The following MCF2L variants were observed in gnomAD, a reference collection of about 807,000 sequenced individuals.
MCF2L encodes the protein MCF.2 cell line derived transforming sequence like, also known as guanine nucleotide exchange factor DBS.
A neutral mutation model predicts 153.4 loss-of-function variants in MCF2L; 97 were observed. The ratio of observed to expected loss-of-function variants is 0.63; its 90% CI spans 0.54 to 0.75. MCF2L has a LOEUF of 0.75. Among genes scored for constraint, MCF2L ranks in the 30% least tolerant of loss-of-function variants. MCF2L has a pLI of 0.00. For missense variants in MCF2L, 1,347 were observed against 1,495.2 expected, an observed-to-expected ratio of 0.90 and a Z score of 1.64; for synonymous variants, 659 against 632.2, an observed-to-expected ratio of 1.04 and a Z score of -0.64.
In MCF2L at chr13:113,046,575, C is replaced by T; in HGVS notation, c.369+1214C>T. The stretch of plus-strand genomic sequence containing the variant: ...AGTCATTCCTTTCCCCGCACATTGC[C>T]TCATTCCTTCATCTTTTACAAGAAT... On this transcript the variant is annotated intron_variant, in intron 4 of 29. Coordinates refer to ENST00000535094, the MANE Select transcript of MCF2L (RefSeq NM_001112732.3). The surrounding 1 kb of genome is among the most constrained non-coding windows in gnomAD (Gnocchi z 4.4). 1 of 533,336 alleles carries T rather than the reference C, an allele frequency of 1.9e-6. No individual in the cohort carries two copies. Among genetic ancestry groups the T allele is most frequent in the Non-Finnish European group, 3.8e-6 (1 of 259,912 alleles). The allele number at this position is 533,336 out of a possible 1,614,324, so 33.0% of individuals were successfully genotyped here.
At chr13:113,015,836 G>A (rs529846955) in intron 2 of MCF2L, among the ~76,000 whole-genome samples, 1 of 152,338 alleles carries the variant, frequency 6.6e-6, no homozygotes, top group Admixed American at 6.5e-5. Context: ...CTGGAGAACT[G>A]AAAACTCCCA....
In MCF2L at chr13:113,070,060, C is replaced by A; in HGVS notation, c.883C>A (p.Leu295Ile). The part of the protein sequence containing the change: ...QLDNQATVQR[L>I]LAQLNETEAA... ...CGGTCAACTCCTCCTCTTTCCCAGG[C>A]TCCTGGCCCAGCTGAACGAAACCGA... The change falls in exon 9 of 30, where the codon CTC becomes ATC. Residue 295 changes from leucine (L) to isoleucine (I), a missense_variant and splice_region_variant. By Grantham distance (5) the Leu-to-Ile change is conservative. Transcript: ENST00000535094. This position sits in a 1 kb window ranked among gnomAD's most constrained non-coding sequence, Gnocchi z 5.6. 1.2e-6 allele frequency: 2 copies of A among 1,607,756 alleles called. No individual in the cohort carries two copies. The highest frequency in any genetic ancestry group is 1.7e-6 in the Non-Finnish European group (2 of 1,177,020).
intron 2 of MCF2L, among the ~76,000 whole-genome samples, chr13:113,023,195 G>A (rs555060620): frequency 9.2e-5 from 14 of 152,348 alleles, no homozygotes; most frequent in African/African-American, 2.6e-4. Flanking sequence ...TGGGCTCAAG[G>A]CATGAGCCCT....
intron 4 of MCF2L, among the ~76,000 whole-genome samples, chr13:113,048,728 C>A (rs1293768463): frequency 6.6e-6 from 1 of 152,204 alleles, no homozygotes; most frequent in Admixed American, 6.5e-5. Flanking sequence ...AGGTGTGAGC[C>A]ACCGCGCCCG....
intron 26 of MCF2L, chr13:113,091,302 G>A: frequency 1.1e-6 from 1 of 942,814 alleles, no homozygotes; most frequent in Non-Finnish European, 1.5e-6. Context: ...TGCTCTCGTG[G>A]GTCTTTATGC....
chr13:113,014,916 C>T (rs186052992), intron 2 of MCF2L, 70 bp downstream of exon 2: 16 of 1,426,670 alleles, frequency 1.1e-5, no homozygotes, highest in South Asian at 2.3e-5. Context: ...GAGCAGCCCC[C>T]GTGGCCTGGC....
chr13:112,990,768 C>T lies in MCF2L; in HGVS notation c.79+21310C>T, dbSNP rs567004529. On this transcript the variant is annotated intron_variant, in intron 1 of 29. Transcript: ENST00000535094. ...GGGAAGTGTGTGCCCAGCGTCTGCTCTGTGCCAGGCCAGGCCAGGCCCAAT... is the reference window on the plus strand; with the variant it reads ...GGGAAGTGTGTGCCCAGCGTCTGCTTTGTGCCAGGCCAGGCCAGGCCCAAT... Among the ~76,000 whole-genome samples, 102 of 152,384 alleles carry T rather than the reference C, an allele frequency of 6.7e-4. 3 individuals are homozygous for T. The South Asian group carries it at 0.021, about 32-fold the overall frequency.
intron 26 of MCF2L, chr13:113,090,913 C>A: frequency 1.7e-6 from 2 of 1,185,182 alleles, no homozygotes; most frequent in Non-Finnish European, 2.1e-6. Flanking sequence ...CCGCAGCCCC[C>A]ACTCCCATGC....
At chr13:113,076,292 C>A in intron 12 of MCF2L, 135 bp downstream of exon 12, 1 of 628,560 alleles carries the variant, frequency 1.6e-6, no homozygotes, top group Non-Finnish European at 2.4e-6. Flanking sequence ...GAGATGGAAT[C>A]TCGCTCTTGT....
In MCF2L at chr13:112,983,520, C is replaced by T. The variant is rs146714536; in HGVS notation, c.79+14062C>T. ...GGCACCCGACGTCTGAGGCCCGCCA[C>T]GCTGCAGGTTCCCATCTCCAAAGCC... On this transcript the variant is annotated intron_variant, in intron 1 of 29. Coordinates refer to ENST00000535094, the MANE Select transcript of MCF2L (RefSeq NM_001112732.3). This position sits in a 1 kb window ranked among gnomAD's most constrained non-coding sequence, Gnocchi z 4.0. Among the ~76,000 whole-genome samples, 637 of 152,332 alleles carry T rather than the reference C, an allele frequency of 4.2e-3. 4 individuals carry two copies. The highest frequency in any genetic ancestry group is 0.014 in the African/African-American group (601 of 41,572).
intron 3 of MCF2L, among the ~76,000 whole-genome samples, chr13:113,033,111 G>T (rs1594763587): frequency 7.5e-6 from 1 of 132,600 alleles, no homozygotes; most frequent in Non-Finnish European, 1.6e-5. Context: ...GCCATGACGT[G>T]AGTGGCCCCC....
At chr13:113,038,383 T>C (rs1342169213) in intron 3 of MCF2L, among the ~76,000 whole-genome samples, 1 of 150,076 alleles carries the variant, frequency 6.7e-6, no homozygotes, top group Admixed American at 6.7e-5. Flanking sequence ...GAGAATGGCC[T>C]GAACCCGGAA....
chr13:113,011,640 ACAGGCAGTGTGGACGG>A, intron 1 of MCF2L, among the ~76,000 whole-genome samples: 1 of 108,062 alleles, frequency 9.3e-6, no homozygotes. Flanking sequence ...TGGACGGTGG[ACAGGCAGTGTGGACGG>A]TGGACACTGT....
In MCF2L at chr13:112,932,568, A is replaced by G. The variant is rs368022351; in HGVS notation, c.169+30197A>G. ...CATAAGCTTAAGATATGAATATTGG[A>G]GGACACTGGGGGAGGGGTGTGTGGG... On this transcript the variant is annotated intron_variant, in intron 2 of 29. Transcript: ENST00000375608. This position sits in a 1 kb window ranked among gnomAD's most constrained non-coding sequence, Gnocchi z 4.6. Among the ~76,000 whole-genome samples, 12 of 152,344 alleles carry G rather than the reference A, an allele frequency of 7.9e-5. No individual in the cohort carries two copies. In the South Asian group the frequency reaches 2.5e-3, roughly 32 times the overall value.
In MCF2L at chr13:113,028,648, A is replaced by G. The variant is rs1034446775; in HGVS notation, c.278+3890A>G. Among the ~76,000 whole-genome samples the G allele has an allele frequency of 1.3e-5, 2 of 152,230 alleles. No individual in the cohort carries two copies. The highest frequency in any genetic ancestry group is 4.8e-5 in the African/African-American group (2 of 41,450). On this transcript the variant is annotated intron_variant, in intron 3 of 29. Transcript: ENST00000535094. This position sits in a 1 kb window ranked among gnomAD's most constrained non-coding sequence, Gnocchi z 5.4. Reference sequence around the variant, plus strand: ...ATGGAAACTCAGGTTTTCTGGTCACACTTAGATAATAAAAAGTGGAAGAGG... The same window carrying G: ...ATGGAAACTCAGGTTTTCTGGTCACGCTTAGATAATAAAAAGTGGAAGAGG...
At chr13:112,947,500 A>G (rs781088668) in intron 2 of MCF2L, among the ~76,000 whole-genome samples, 11 of 152,248 alleles carry the variant, frequency 7.2e-5, no homozygotes, top group Non-Finnish European at 1.5e-4. Flanking sequence ...TCCACAGTAC[A>G]ATGGTGGGAC....
chr13:113,005,032 A>T (rs1471508093), intron 1 of MCF2L, among the ~76,000 whole-genome samples: 1 of 152,138 alleles, frequency 6.6e-6, no homozygotes, highest in African/African-American at 2.4e-5. Flanking sequence ...TGAGCGTGTT[A>T]AAGAGCCACC....
In MCF2L at chr13:113,031,134, CAGACAG is replaced by C. The variant is rs1203595231; in HGVS notation, c.278+6386_278+6391del. ...ACAGAGACAGAGAGTGACAGAGAGA[CAGACAG>C]AGACAGAGAGAGACAGAGAGAAGAG... On this transcript the variant is annotated intron_variant, in intron 3 of 29. Transcript: ENST00000535094. The surrounding 1 kb of genome is among the most constrained non-coding windows in gnomAD (Gnocchi z 5.5). Among the ~76,000 whole-genome samples the C allele has an allele frequency of 6.8e-6, 1 of 147,754 alleles. No individual in the cohort carries two copies. Among genetic ancestry groups the C allele is most frequent in the Non-Finnish European group, 1.5e-5 (1 of 67,144 alleles).
At chr13:113,022,694 G>A (rs1273622023) in intron 2 of MCF2L, among the ~76,000 whole-genome samples, 1 of 152,238 alleles carries the variant, frequency 6.6e-6, no homozygotes, top group Non-Finnish European at 1.5e-5. Context: ...GTTGCCACGA[G>A]TTCCTGATCA....
Sources: gnomAD v4.1 joint callset for allele counts (sites outside exome capture counted in the v4.1 genomes callset) on GRCh38, gnomAD v4.1.1 for gene constraint, Gnocchi (gnomAD v3.1) non-coding constraint, MANE v1.5 for transcripts, NCBI Gene and HGNC (gene_info 2026-07-23, HGNC 2026-07-21) for gene names.